ZFX: variants seen among roughly 807,000 people sequenced by gnomAD.
ZFX encodes zinc finger X-chromosomal protein.
For synonymous variants in ZFX, 196 were observed against 226.8 expected (o/e 0.86, Z 1.22); for missense variants, 362 against 628.3 (o/e 0.58, Z 4.53).
At chrX:24,207,916 G>T in intron 7 of ZFX, 61 bp downstream of exon 7, 1 of 1,137,393 alleles carries the variant, frequency 8.8e-7, no homozygotes, top group Non-Finnish European at 1.2e-6. Context: ...TAAGTGGCCA[G>T]TGTTTGAAAT....
chrX:24,183,160 G>A (rs1206546811), intron 5 of ZFX, among the ~76,000 whole-genome samples: 1 of 111,679 alleles, frequency 9.0e-6, no homozygotes, highest in Non-Finnish European at 1.9e-5. Flanking sequence ...CGCATTGAGG[G>A]GCCAGCTGAG....
chrX:24,200,329 G>A (rs1035645009), intron 5 of ZFX, among the ~76,000 whole-genome samples: 2 of 111,617 alleles, frequency 1.8e-5, no homozygotes, highest in Non-Finnish European at 3.8e-5. Flanking sequence ...GAAACCATCT[G>A]CTGGGTGTGT....
intron 9 of ZFX, 101 bp from the exon 10 acceptor site, chrX:24,210,092 G>GT (rs1255941415): frequency 1.9e-6 from 2 of 1,061,303 alleles, no homozygotes; most frequent in Admixed American, 5.0e-5. Context: ...CAATTTAGGA[G>GT]TCCTTGGCCA....
intron 3 of ZFX, among the ~76,000 whole-genome samples, chrX:24,158,766 A>G (rs1232130725): frequency 9.3e-6 from 1 of 108,099 alleles, no homozygotes; most frequent in East Asian, 2.9e-4. Flanking sequence ...CCTCCCAGGT[A>G]GCTGGGACTA....
At chrX:24,178,291 C>CTT (rs749167997) in intron 4 of ZFX, among the ~76,000 whole-genome samples, 8 of 86,936 alleles carry the variant, frequency 9.2e-5, no homozygotes, top group African/African-American at 2.6e-4. Context: ...CTTTTCTTTT[C>CTT]TTTTTTTTTT....
intron 3 of ZFX, 129 bp from the exon 4 acceptor site, chrX:24,172,586 A>G (rs991318244): frequency 4.7e-6 from 2 of 428,025 alleles, no homozygotes; most frequent in African/African-American, 2.5e-5. Context: ...TACTTTAGAT[A>G]AGTAAGTTTT....
intron 3 of ZFX, among the ~76,000 whole-genome samples, chrX:24,153,178 T>A (rs1247824449): frequency 1.8e-5 from 2 of 112,152 alleles, no homozygotes; most frequent in East Asian, 5.6e-4. Flanking sequence ...CACTGGCAAT[T>A]CCAAACTTTT....
At chrX:24,155,327 T>G (rs1284135271) in intron 3 of ZFX, among the ~76,000 whole-genome samples, 1 of 112,163 alleles carries the variant, frequency 8.9e-6, no homozygotes, top group African/African-American at 3.2e-5. Context: ...ATTGTGATCC[T>G]TAATTTTTAA....
chrX:24,153,222 A>G (rs146801416), intron 3 of ZFX, among the ~76,000 whole-genome samples: 109 of 112,088 alleles, frequency 9.7e-4, no homozygotes, highest in African/African-American at 3.3e-3. Context: ...GGGTCCTTGA[A>G]ATCTCTCATC....
intron 3 of ZFX, among the ~76,000 whole-genome samples, chrX:24,154,757 A>G (rs192823414): frequency 6.0e-4 from 66 of 110,545 alleles, no homozygotes; most frequent in African/African-American, 1.8e-3. Context: ...TTGTTTTACT[A>G]TTTTTTTTTG....
chrX:24,203,211 A>G (rs1263196250), intron 5 of ZFX, among the ~76,000 whole-genome samples: 2 of 112,031 alleles, frequency 1.8e-5, no homozygotes, highest in African/African-American at 6.5e-5. Context: ...TTCAGTCCCA[A>G]GATAGGCCTC....
At chrX:24,188,830 G>T (rs1936335868) in intron 5 of ZFX, among the ~76,000 whole-genome samples, 2 of 111,524 alleles carry the variant, frequency 1.8e-5, no homozygotes, top group South Asian at 3.7e-4. Flanking sequence ...ATAATAGTTT[G>T]AGATAAGTTT....
At chrX:24,182,411 C>A (rs891903791) in intron 5 of ZFX, among the ~76,000 whole-genome samples, 2 of 111,061 alleles carry the variant, frequency 1.8e-5, no homozygotes, top group Non-Finnish European at 3.8e-5. Context: ...AGAAAAGAGT[C>A]CTTGAAAAAT....
In ZFX at chrX:24,214,068, T is replaced by G. The variant is rs1938300942; in HGVS notation, c.*2692T>G. The G allele has an allele frequency of 8.9e-6, 1 of 111,971 alleles. No individual in the cohort carries two copies. Among genetic ancestry groups the G allele is most frequent in the Non-Finnish European group, 1.9e-5 (1 of 53,082 alleles). The allele number at this position is 111,971 out of a possible 1,213,427, so 9.2% of individuals were successfully genotyped here. A position where few individuals can be genotyped will look rare whatever the true frequency, so the allele number is the denominator to read the frequency against. On this transcript the variant is annotated 3_prime_UTR_variant, in exon 10 of 10. Transcript: ENST00000304543. ...GTCAAGTGAATATGATAAAACATACTTGTCTGTATAAAGAGAAAATGAAAT... is the reference window on the plus strand; with the variant it reads ...GTCAAGTGAATATGATAAAACATACGTGTCTGTATAAAGAGAAAATGAAAT...
At position 24,212,587 on chromosome X, in the gene ZFX, T is replaced by C. The variant is rs1009036043; in HGVS notation, c.*1211T>C. Reference sequence around the variant, plus strand: ...TATGTTTTTCTGAAAAGCAAATGAGTATCCAGACATGACTCCCACAGTTCT... The same window carrying C: ...TATGTTTTTCTGAAAAGCAAATGAGCATCCAGACATGACTCCCACAGTTCT... On this transcript the variant is annotated 3_prime_UTR_variant, in exon 10 of 10. Transcript: ENST00000304543. The C allele has an allele frequency of 8.0e-5, 9 of 112,355 alleles. No homozygotes were observed. Among genetic ancestry groups the C allele is most frequent in the African/African-American group, 2.9e-4 (9 of 30,852 alleles). 9.3% of individuals were successfully genotyped at this position (112,355 alleles called of 1,213,427 possible). A position where few individuals can be genotyped will look rare whatever the true frequency, so the allele number is the denominator to read the frequency against.
intron 5 of ZFX, among the ~76,000 whole-genome samples, chrX:24,200,870 A>G (rs780908341): frequency 8.9e-6 from 1 of 112,514 alleles, no homozygotes; most frequent in South Asian, 3.6e-4. Flanking sequence ...ATGTAATAAA[A>G]AAATGTAGAA....
At chrX:24,154,343 G>A (rs924143029) in intron 3 of ZFX, among the ~76,000 whole-genome samples, 1 of 111,405 alleles carries the variant, frequency 9.0e-6, no homozygotes, top group Non-Finnish European at 1.9e-5. Flanking sequence ...GTAACCACCT[G>A]TCCCAATATG....
chrX:24,180,942 C>T (rs1935632912), intron 5 of ZFX, among the ~76,000 whole-genome samples: 1 of 111,969 alleles, frequency 8.9e-6, no homozygotes, highest in African/African-American at 3.2e-5. Context: ...CTTCTTGGTA[C>T]CAATTTCGGA....
chrX:24,202,307 A>T (rs1212964932), intron 5 of ZFX, among the ~76,000 whole-genome samples: 1 of 111,611 alleles, frequency 9.0e-6, no homozygotes, highest in East Asian at 2.8e-4. Context: ...TTATCTATTA[A>T]TACTAAACGG....
Sources: allele counts gnomAD v4.1 joint callset (sites outside exome capture counted in the v4.1 genomes callset), GRCh38; gene constraint gnomAD v4.1.1; transcripts MANE v1.5; gene names NCBI Gene and HGNC (gene_info 2026-07-23, HGNC 2026-07-21).